FOCAD: variants seen among roughly 807,000 people sequenced by gnomAD.
FOCAD encodes the protein focadhesin.
A neutral mutation model predicts 225.6 loss-of-function variants in FOCAD; 198 were observed. The ratio of observed to expected loss-of-function variants is 0.88; its 90% CI spans 0.78 to 0.99. FOCAD has a LOEUF of 0.99. Ranked by LOEUF, FOCAD falls within the 50% of genes least tolerant of loss-of-function variation. FOCAD has a pLI of 0.00. For missense variants in FOCAD, 2,713 were observed against 2,123.6 expected (o/e 1.28, Z -5.46); for synonymous variants, 897 against 755.0 (o/e 1.19, Z -3.08).
chr9:20,923,670 G>A lies in FOCAD; in HGVS notation c.2863G>A (p.Val955Ile). ...TTTCCTTTTGAACAGGGAGAGTCCGGTAGTGAAAGGCAATGCGCTGTTAGC... is the reference window on the plus strand; with the variant it reads ...TTTCCTTTTGAACAGGGAGAGTCCGATAGTGAAAGGCAATGCGCTGTTAGC... ...ITKAAAKESP[V>I]VKGNALLALS... Residue 955 changes from valine (V) to isoleucine (I), a missense_variant, in exon 25 of 44, where the codon GTA becomes ATA. Coordinates refer to ENST00000338382, the MANE Select transcript of FOCAD (RefSeq NM_001375567.1). 2 of 1,613,750 alleles carry A rather than the reference G, an allele frequency of 1.2e-6. No homozygotes were observed. Among genetic ancestry groups the A allele is most frequent in the Non-Finnish European group, 8.5e-7 (1 of 1,179,722 alleles).
intron 11 of FOCAD, among the ~76,000 whole-genome samples, chr9:20,800,178 C>T (rs1225346502): frequency 1.3e-5 from 2 of 152,108 alleles, no homozygotes; most frequent in African/African-American, 4.8e-5. Flanking sequence ...TATTGGCTCC[C>T]ACTCTCTTCT....
chr9:20,900,136 T>C (rs993063317), intron 21 of FOCAD, among the ~76,000 whole-genome samples: 1 of 151,962 alleles, frequency 6.6e-6, no homozygotes, highest in African/African-American at 2.4e-5. Context: ...GCCAGTCTTG[T>C]TATCCTTGGC....
At chr9:20,718,538 C>G (rs1825524992) in intron 3 of FOCAD, among the ~76,000 whole-genome samples, 1 of 152,046 alleles carries the variant, frequency 6.6e-6, no homozygotes, top group Non-Finnish European at 1.5e-5. Context: ...AATTGATTTC[C>G]TTTGTCTCAC....
intron 8 of FOCAD, among the ~76,000 whole-genome samples, chr9:20,776,966 T>C (rs1818818831): frequency 6.6e-6 from 1 of 152,182 alleles, no homozygotes; most frequent in South Asian, 2.1e-4. Flanking sequence ...TATCCTCAAA[T>C]AGATAAGAGT....
chr9:20,711,775 G>A (rs1824871366), intron 1 of FOCAD, among the ~76,000 whole-genome samples: 1 of 152,212 alleles, frequency 6.6e-6, no homozygotes, highest in Non-Finnish European at 1.5e-5. Context: ...AGAAAGTATG[G>A]AAGCGTTTGG....
intron 9 of FOCAD, among the ~76,000 whole-genome samples, chr9:20,780,957 G>T (rs956351833): frequency 6.6e-6 from 1 of 152,114 alleles, no homozygotes; most frequent in Non-Finnish European, 1.5e-5. Context: ...ATGATTCAAG[G>T]CTTGTAGAAT....
At position 20,834,898 on chromosome 9, in the gene FOCAD, T is replaced by C. The variant is rs552275568; in HGVS notation, c.1920+11783T>C. ...TAGTATGAAAAAGTAAAATATCTTA[T>C]TGATAATGTTTTAAAAATTGATTTC... On this transcript the variant is annotated intron_variant, in intron 15 of 43. Transcript: ENST00000338382. 2.6e-5 allele frequency among the ~76,000 whole-genome samples: 4 copies of C among 152,252 alleles called. No homozygotes were observed. The East Asian group carries it at 7.7e-4, about 29-fold the overall frequency.
intron 30 of FOCAD, 58 bp downstream of exon 30, chr9:20,946,878 T>C: frequency 6.3e-7 from 1 of 1,598,634 alleles, no homozygotes; most frequent in Non-Finnish European, 8.5e-7. Context: ...TGCTAAGTTT[T>C]GCTTTTGACT....
At chr9:20,716,491 G>A (rs1045552450) in intron 2 of FOCAD, among the ~76,000 whole-genome samples, 16 of 152,248 alleles carry the variant, frequency 1.1e-4, no homozygotes, top group African/African-American at 3.6e-4. Context: ...AGAAGATGAA[G>A]TGAAAAGTAT....
At chr9:20,928,826 A>G (rs913323046) in intron 26 of FOCAD, 2 of 152,196 alleles carry the variant, frequency 1.3e-5, no homozygotes, top group Admixed American at 6.5e-5. Context: ...TCCCACCAAA[A>G]ATTTTGGGAG....
intron 29 of FOCAD, among the ~76,000 whole-genome samples, chr9:20,945,115 A>G (rs1314938041): frequency 6.6e-6 from 1 of 152,256 alleles, no homozygotes; most frequent in Non-Finnish European, 1.5e-5. Flanking sequence ...ATAACTTTCA[A>G]AAATGCCCAG....
chr9:20,735,854 AT>A (rs1827117731), intron 4 of FOCAD, among the ~76,000 whole-genome samples: 1 of 151,566 alleles, frequency 6.6e-6, no homozygotes, highest in African/African-American at 2.4e-5. Flanking sequence ...AAAAAAAAAA[AT>A]AACAGCTTAT....
At chr9:20,682,897 A>G (rs1053114703), upstream of FOCAD, among the ~76,000 whole-genome samples, 3 of 152,042 alleles carry the variant, frequency 2.0e-5, no homozygotes, top group African/African-American at 4.8e-5. Context: ...CAGCCTCCTG[A>G]GTAGAGTAGC....
rs542289675 is a variant in FOCAD at position 20,994,582 on chromosome 9, C to CA, written c.5333-973dup. 5.6e-3 allele frequency among the ~76,000 whole-genome samples: 847 copies of CA among 152,316 alleles called. 2 individuals carry two copies. Among genetic ancestry groups the CA allele is most frequent in the Non-Finnish European group, 9.2e-3 (623 of 68,028 alleles). On this transcript the variant is annotated intron_variant, in intron 43 of 43. Transcript: ENST00000338382. ...TCTGTCTCCTCAAAGTGGTGGGAGG[C>CA]ATGTGTGTGCTGCAACAGTGCTCCC...
intron 1 of FOCAD, among the ~76,000 whole-genome samples, chr9:20,709,988 G>A (rs1309873648): frequency 3.3e-5 from 5 of 152,082 alleles, no homozygotes; most frequent in Non-Finnish European, 5.9e-5. Context: ...TAAGCTATTA[G>A]CCTACCCAGC....
chr9:20,869,626 A>C (rs968515518), intron 18 of FOCAD, among the ~76,000 whole-genome samples: 1 of 152,120 alleles, frequency 6.6e-6, no homozygotes, highest in Non-Finnish European at 1.5e-5. Context: ...CAATAATATG[A>C]GTTAAGAATT....
At chr9:20,952,869 TG>T in intron 34 of FOCAD, 115 bp from the exon 35 acceptor site, 1 of 771,860 alleles carries the variant, frequency 1.3e-6, no homozygotes, top group East Asian at 2.6e-5. Context: ...CTGAGATTAA[TG>T]GCATAAACAT....
chr9:20,660,111 G>T (rs192913268), intron 2 of FOCAD, among the ~76,000 whole-genome samples: 74 of 152,270 alleles, frequency 4.9e-4, no homozygotes, highest in African/African-American at 1.7e-3. Context: ...TTATGGACAG[G>T]TTCAGTGGTA....
chr9:20,711,509 C>A (rs979537374), intron 1 of FOCAD, among the ~76,000 whole-genome samples: 3 of 152,146 alleles, frequency 2.0e-5, no homozygotes, highest in South Asian at 2.1e-4. Flanking sequence ...TGGAGAGCCC[C>A]AAGACTAAGC....
Sources: allele counts gnomAD v4.1 joint callset (sites outside exome capture counted in the v4.1 genomes callset), GRCh38; gene constraint gnomAD v4.1.1; transcripts MANE v1.5; gene names NCBI Gene and HGNC (gene_info 2026-07-23, HGNC 2026-07-21).